Variants in RUNX2 observed in about 807,000 individuals in gnomAD.
The protein encoded by RUNX2 is RUNX family transcription factor 2.
A neutral mutation model predicts 51.7 loss-of-function variants in RUNX2; 10 were observed. The ratio of observed to expected loss-of-function variants is 0.19; its 90% confidence interval spans 0.12 to 0.33. RUNX2 has a LOEUF of 0.33. Among genes scored for constraint, RUNX2 ranks in the 10% least tolerant of loss-of-function variants. The pLI is 1.00. For synonymous variants in RUNX2, 276 were observed against 273.6 expected (o/e 1.01, Z -0.09); for missense variants, 562 against 691.3 (o/e 0.81, Z 2.10).
chr6:45,542,421 A>T (rs913841972), intron 7 of RUNX2, among the ~76,000 whole-genome samples: 5 of 152,142 alleles, frequency 3.3e-5, no homozygotes, highest in African/African-American at 4.8e-5. Context: ...TTTTTATGAC[A>T]GCTACATTTG....
chr6:45,458,652 A>G (rs1234155527), intron 5 of RUNX2, among the ~76,000 whole-genome samples: 1 of 152,224 alleles, frequency 6.6e-6, no homozygotes, highest in Admixed American at 6.5e-5. Context: ...TTTCAGTAAA[A>G]ATATATGAAA....
chr6:45,458,183 T>C (rs559225435), intron 5 of RUNX2, among the ~76,000 whole-genome samples: 1 of 152,208 alleles, frequency 6.6e-6, no homozygotes, highest in Admixed American at 6.5e-5. Flanking sequence ...CCTGCCACCA[T>C]GCCTGGCTAA....
At chr6:45,424,370 GT>G (rs1427175486) in intron 3 of RUNX2, among the ~76,000 whole-genome samples, 1 of 152,218 alleles carries the variant, frequency 6.6e-6, no homozygotes, top group Non-Finnish European at 1.5e-5. Context: ...TCGCAGGACT[GT>G]CCACACTCGC....
In RUNX2 at chr6:45,328,795, C is replaced by G; in HGVS notation, c.58+11C>G. The G allele has an allele frequency of 6.2e-7, 1 of 1,611,426 alleles. No individual in the cohort carries two copies. The highest frequency in any genetic ancestry group is 2.2e-5 in the East Asian group (1 of 44,792). On this transcript the variant is annotated intron_variant, in intron 2 of 8. Transcript: ENST00000647337. ...AAAACTTCTTTTGGGGTAAGTGTTACCATTTTTAAAATCCTGTAAGATATG... is the reference window on the plus strand; with the variant it reads ...AAAACTTCTTTTGGGGTAAGTGTTAGCATTTTTAAAATCCTGTAAGATATG...
chr6:45,519,830 G>A (rs1209634762), intron 7 of RUNX2, among the ~76,000 whole-genome samples: 4 of 144,988 alleles, frequency 2.8e-5, no homozygotes, highest in African/African-American at 1.0e-4. Context: ...GTGTGTGTGT[G>A]TGTGTGTATA....
At chr6:45,398,534 A>C (rs1233046481) in intron 2 of RUNX2, among the ~76,000 whole-genome samples, 1 of 152,224 alleles carries the variant, frequency 6.6e-6, no homozygotes, top group African/African-American at 2.4e-5. Flanking sequence ...TACATACAAT[A>C]TGGTAACTTC....
intron 2 of RUNX2, among the ~76,000 whole-genome samples, chr6:45,411,983 AG>A (rs1797960833): frequency 6.6e-6 from 1 of 152,170 alleles, no homozygotes; most frequent in African/African-American, 2.4e-5. Context: ...GTCACTCAAT[AG>A]CATTTTAGAC....
At chr6:45,343,283 G>A (rs906171071) in intron 2 of RUNX2, among the ~76,000 whole-genome samples, 7 of 152,230 alleles carry the variant, frequency 4.6e-5, no homozygotes, top group Middle Eastern at 3.4e-3. Flanking sequence ...GCCGAGGCGG[G>A]CAGACCAAGA....
chr6:45,352,334 A>T (rs1036027240), intron 2 of RUNX2, among the ~76,000 whole-genome samples: 12 of 152,172 alleles, frequency 7.9e-5, no homozygotes, highest in Admixed American at 2.0e-4. Context: ...AAGATCAAGT[A>T]GTTTTTTTCA....
chr6:45,536,974 G>T (rs755841126), intron 7 of RUNX2, among the ~76,000 whole-genome samples: 5 of 152,142 alleles, frequency 3.3e-5, no homozygotes, highest in African/African-American at 4.8e-5. Context: ...CTAGCTTGGA[G>T]ACCCAATCTT....
chr6:45,531,784 A>G (rs1485949670), intron 7 of RUNX2, among the ~76,000 whole-genome samples: 1 of 152,102 alleles, frequency 6.6e-6, no homozygotes, highest in Non-Finnish European at 1.5e-5. Context: ...ATATGGTTTT[A>G]TATGTGGGGC....
intron 7 of RUNX2, among the ~76,000 whole-genome samples, chr6:45,514,308 C>A (rs959658849): frequency 6.6e-6 from 1 of 152,186 alleles, no homozygotes; most frequent in African/African-American, 2.4e-5. Context: ...CAGATTATTT[C>A]AAGTTACTTT....
intron 7 of RUNX2, among the ~76,000 whole-genome samples, chr6:45,524,970 G>A (rs1010034104): frequency 6.6e-5 from 10 of 152,210 alleles, no homozygotes; most frequent in Non-Finnish European, 1.5e-4. Context: ...AATTAGCTGG[G>A]TGTGGTGGCG....
chr6:45,337,254 T>C (rs559562471), intron 2 of RUNX2, among the ~76,000 whole-genome samples: 15 of 151,840 alleles, frequency 9.9e-5, no homozygotes, highest in African/African-American at 3.4e-4. Flanking sequence ...AATTATAATG[T>C]GTGATACTTT....
chr6:45,350,984 A>G (rs2024786), intron 2 of RUNX2, among the ~76,000 whole-genome samples: 20,338 of 152,092 alleles, frequency 0.13, 1,574 homozygotes, highest in East Asian at 0.26. Context: ...CCTATAGTGA[A>G]CTGCACACGC....
intron 6 of RUNX2, among the ~76,000 whole-genome samples, chr6:45,498,974 G>A (rs1800725742): frequency 6.6e-6 from 1 of 152,212 alleles, no homozygotes; most frequent in African/African-American, 2.4e-5. Context: ...GGCTGTGAGT[G>A]TGAGGGTGGA....
At chr6:45,404,971 T>G (rs544779636) in intron 2 of RUNX2, among the ~76,000 whole-genome samples, 1 of 152,368 alleles carries the variant, frequency 6.6e-6, no homozygotes. Flanking sequence ...GCTGGAAAAT[T>G]TTTCATTGAG....
At chr6:45,375,898 A>C (rs1796713309) in intron 2 of RUNX2, among the ~76,000 whole-genome samples, 3 of 152,152 alleles carry the variant, frequency 2.0e-5, no homozygotes, top group South Asian at 2.1e-4. Flanking sequence ...AATTTCACTT[A>C]TCTCTCCAAA....
intron 2 of RUNX2, among the ~76,000 whole-genome samples, chr6:45,395,670 A>G (rs79549650): frequency 0.026 from 4,025 of 152,250 alleles, 193 homozygotes; most frequent in African/African-American, 0.091. Context: ...ATTTAACCCA[A>G]GACTTTTTTG....
Sources: allele counts gnomAD v4.1 joint callset (sites outside exome capture counted in the v4.1 genomes callset), GRCh38; gene constraint gnomAD v4.1.1; transcripts MANE v1.5; gene names NCBI Gene and HGNC (gene_info 2026-07-23, HGNC 2026-07-21).